CTNNA2: variants seen among roughly 807,000 people sequenced by gnomAD.
CTNNA2 encodes catenin alpha-2.
A neutral mutation model predicts 101.0 loss-of-function variants in CTNNA2; 42 were observed. The ratio of observed to expected loss-of-function variants is 0.42; its 90% CI spans 0.32 to 0.54. The LOEUF (loss-of-function observed/expected upper bound fraction) is 0.54, where lower values mean the gene tolerates loss of function less well. Among genes scored for constraint, CTNNA2 ranks in the 20% least tolerant of loss-of-function variants. The probability of loss-of-function intolerance (pLI) is 0.14; values close to 1 mark genes in which losing one functional copy is unlikely to be tolerated. For synonymous variants in CTNNA2, 450 were observed against 456.4 expected, an observed-to-expected ratio of 0.99 and a Z score of 0.18; for missense variants, 871 against 1,223.1, an observed-to-expected ratio of 0.71 and a Z score of 4.29.
intron 18 of CTNNA2, among the ~76,000 whole-genome samples, chr2:80,637,672 G>C (rs546659047): frequency 9.9e-5 from 15 of 152,064 alleles, no homozygotes; most frequent in African/African-American, 3.1e-4. Context: ...AGGATCACAG[G>C]CTGCATGGGT....
At position 79,814,608 on chromosome 2, in the gene CTNNA2, T is replaced by C. The variant is rs202156019; in HGVS notation, c.299-43405T>C. 2.9e-3 allele frequency among the ~76,000 whole-genome samples: 418 copies of C among 145,198 alleles called. 1 individual carries two copies. The highest frequency in any genetic ancestry group is 3.6e-3 in the Non-Finnish European group (243 of 66,854). On this transcript the variant is annotated intron_variant, in intron 3 of 18. Transcript: ENST00000402739. ...TAGTATTCCATTATATATGTGTGTA[T>C]ACACACACACACACACACACACACA... is the stretch of plus-strand genomic sequence containing the variant.
chr2:80,085,851 G>A (rs939132617), intron 7 of CTNNA2, among the ~76,000 whole-genome samples: 2 of 151,960 alleles, frequency 1.3e-5, no homozygotes, highest in African/African-American at 2.4e-5. Context: ...GGTGAGGGGA[G>A]GTCTGATGCT....
intron 7 of CTNNA2, among the ~76,000 whole-genome samples, chr2:80,019,116 G>A (rs1373536346): frequency 2.0e-5 from 3 of 152,144 alleles, no homozygotes; most frequent in Non-Finnish European, 4.4e-5. Flanking sequence ...AAGTATATGG[G>A]AGAATACGTG....
intron 7 of CTNNA2, among the ~76,000 whole-genome samples, chr2:80,126,916 G>C (rs1022509530): frequency 6.6e-6 from 1 of 152,280 alleles, no homozygotes; most frequent in African/African-American, 2.4e-5. Context: ...AACCACATGG[G>C]GAGGAGGAGG....
chr2:79,947,170 A>G (rs1267835838), intron 7 of CTNNA2, among the ~76,000 whole-genome samples: 2 of 152,226 alleles, frequency 1.3e-5, no homozygotes, highest in East Asian at 3.9e-4. Flanking sequence ...GTTAAAATAA[A>G]TTGCAATAAT....
intron 9 of CTNNA2, among the ~76,000 whole-genome samples, chr2:80,490,086 AG>A (rs1176013114): frequency 1.3e-5 from 2 of 152,220 alleles, no homozygotes; most frequent in African/African-American, 4.8e-5. Context: ...TCCTTATTTG[AG>A]TGAACCAGCT....
chr2:80,398,278 A>C (rs1475917743), intron 8 of CTNNA2, among the ~76,000 whole-genome samples: 3 of 152,218 alleles, frequency 2.0e-5, no homozygotes, highest in Non-Finnish European at 4.4e-5. Context: ...TCATTGTAAA[A>C]AAATTTTAAA....
intron 7 of CTNNA2, among the ~76,000 whole-genome samples, chr2:79,936,897 T>C (rs1687829360): frequency 6.6e-6 from 1 of 152,180 alleles, no homozygotes; most frequent in African/African-American, 2.4e-5. Context: ...CACCTTTCTT[T>C]CGTTTTCTGT....
intron 7 of CTNNA2, among the ~76,000 whole-genome samples, chr2:80,115,744 G>T (rs183048555): frequency 6.6e-6 from 1 of 152,170 alleles, no homozygotes; most frequent in Non-Finnish European, 1.5e-5. Context: ...GCACAGCCAC[G>T]TGGAAGGGCA....
intron 3 of CTNNA2, among the ~76,000 whole-genome samples, chr2:79,801,072 T>G (rs1676117053): frequency 6.6e-6 from 1 of 152,250 alleles, no homozygotes; most frequent in South Asian, 2.1e-4. Flanking sequence ...ATGTACTAAT[T>G]AAAAGCTCTT....
chr2:80,344,020 C>T (rs1054972828), intron 7 of CTNNA2, among the ~76,000 whole-genome samples: 1 of 152,100 alleles, frequency 6.6e-6, no homozygotes, highest in African/African-American at 2.4e-5. Flanking sequence ...CTCTTGAGGC[C>T]TCTCCAATCA....
chr2:79,718,947 G>T (rs1178758886), intron 2 of CTNNA2, among the ~76,000 whole-genome samples: 1 of 151,864 alleles, frequency 6.6e-6, no homozygotes, highest in East Asian at 1.9e-4. Context: ...CTGATACAGG[G>T]GGTACATGTA....
At chr2:79,894,027 TTCTTC>T (rs1558619432) in intron 6 of CTNNA2, among the ~76,000 whole-genome samples, 1 of 144,706 alleles carries the variant, frequency 6.9e-6, no homozygotes, top group African/African-American at 2.6e-5. Context: ...CTTCTTCTTC[TTCTTC>T]TTCTTCTTCT....
intron 7 of CTNNA2, among the ~76,000 whole-genome samples, chr2:80,307,346 A>T (rs1001353752): frequency 4.6e-5 from 7 of 152,262 alleles, no homozygotes; most frequent in African/African-American, 1.7e-4. Flanking sequence ...TAAGAACAAC[A>T]TGAATCGAGT....
intron 7 of CTNNA2, among the ~76,000 whole-genome samples, chr2:80,019,540 A>G (rs937435968): frequency 6.6e-6 from 1 of 152,128 alleles, no homozygotes; most frequent in African/African-American, 2.4e-5. Flanking sequence ...GTCAATTTGA[A>G]TTTTTCAAGC....
intron 13 of CTNNA2, among the ~76,000 whole-genome samples, chr2:80,575,535 A>C (rs1694970798): frequency 6.6e-6 from 1 of 152,130 alleles, no homozygotes; most frequent in South Asian, 2.1e-4. Context: ...AAAGATAGTC[A>C]GCCTTTTAGG....
chr2:80,444,965 A>G (rs1390533752), intron 9 of CTNNA2, among the ~76,000 whole-genome samples: 1 of 152,094 alleles, frequency 6.6e-6, no homozygotes, highest in Non-Finnish European at 1.5e-5. Flanking sequence ...CCACCCAGTT[A>G]TGACAACCAA....
intron 12 of CTNNA2, among the ~76,000 whole-genome samples, chr2:80,560,307 A>AT (rs1693467668): frequency 2.0e-5 from 3 of 152,186 alleles, no homozygotes. Flanking sequence ...CAAACTGGAA[A>AT]TCTTATTGAG....
intron 9 of CTNNA2, among the ~76,000 whole-genome samples, chr2:80,508,704 T>C (rs927517484): frequency 4.0e-5 from 6 of 150,914 alleles, no homozygotes; most frequent in African/African-American, 1.5e-4. Context: ...TTTGAGATTG[T>C]GTTGATTGTG....
Sources: gnomAD v4.1 joint callset for allele counts (sites outside exome capture counted in the v4.1 genomes callset) on GRCh38, gnomAD v4.1.1 for gene constraint, MANE v1.5 for transcripts, NCBI Gene and HGNC (gene_info 2026-07-23, HGNC 2026-07-21) for gene names.